Variants in RAD51B observed in about 807,000 individuals in gnomAD.
RAD51B encodes the protein DNA repair protein RAD51 homolog 2.
Under a neutral mutation model 42.2 loss-of-function variants are expected in RAD51B, and 38 were observed. That is an observed-to-expected ratio of 0.90 (90% confidence interval 0.70 to 1.18). The LOEUF (loss-of-function observed/expected upper bound fraction) is 1.18. RAD51B is among the 50% of genes most tolerant of loss of function. RAD51B has a pLI of 0.00. For synonymous variants in RAD51B, 154 were observed against 145.2 expected (o/e 1.06, Z -0.43); for missense variants, 373 against 400.7 (o/e 0.93, Z 0.59).
intron 8 of RAD51B, among the ~76,000 whole-genome samples, chr14:68,383,889 T>G (rs1006581843): frequency 6.6e-6 from 1 of 152,226 alleles, no homozygotes; most frequent in African/African-American, 2.4e-5. Flanking sequence ...ATTTTCTCCT[T>G]TTGATTACAG....
intron 8 of RAD51B, among the ~76,000 whole-genome samples, chr14:68,373,914 CA>C (rs2139960825): frequency 6.6e-6 from 1 of 152,264 alleles, no homozygotes; most frequent in South Asian, 2.1e-4. Flanking sequence ...ATTTGTGAAG[CA>C]CCTTTTATTT....
intron 4 of RAD51B, among the ~76,000 whole-genome samples, chr14:67,849,684 C>T (rs1251254459): frequency 1.3e-5 from 2 of 152,168 alleles, no homozygotes; most frequent in Admixed American, 6.5e-5. Context: ...AAATTTTCAA[C>T]AGCTTGGCAA....
intron 7 of RAD51B, among the ~76,000 whole-genome samples, chr14:68,191,335 A>G (rs1028803213): frequency 6.6e-6 from 1 of 152,200 alleles, no homozygotes; most frequent in African/African-American, 2.4e-5. Flanking sequence ...TCTGTATAAC[A>G]GAGTTTGAAA....
At chr14:68,628,345 C>T (rs1323976838) in intron 10 of RAD51B, 3 of 152,200 alleles carry the variant, frequency 2.0e-5, no homozygotes, top group South Asian at 2.1e-4. Flanking sequence ...CGCAGCGCCC[C>T]GCTTACCTGG....
intron 5 of RAD51B, among the ~76,000 whole-genome samples, chr14:67,867,413 C>T (rs538459688): frequency 4.6e-5 from 7 of 152,296 alleles, no homozygotes; most frequent in Non-Finnish European, 1.0e-4. Flanking sequence ...AGACCTAGGG[C>T]ATGCACATTT....
At chr14:68,470,763 G>T (rs1000929643) in intron 10 of RAD51B, 3 of 421,092 alleles carry the variant, frequency 7.1e-6, no homozygotes, top group African/African-American at 4.0e-5. Context: ...GTTTGTGTGG[G>T]GGCTGCAGCA....
chr14:68,566,853 C>A (rs753762352), intron 10 of RAD51B, among the ~76,000 whole-genome samples: 2 of 152,046 alleles, frequency 1.3e-5, no homozygotes, highest in Non-Finnish European at 2.9e-5. Context: ...GCCTATCAAA[C>A]CTTCTTTCTT....
At chr14:68,005,552 C>T (rs906444482) in intron 7 of RAD51B, among the ~76,000 whole-genome samples, 113 of 152,262 alleles carry the variant, frequency 7.4e-4, no homozygotes, top group African/African-American at 2.7e-3. Flanking sequence ...TTCTTACCAG[C>T]AGTGTTGGAG....
At chr14:67,955,754 A>G (rs2074534790) in intron 7 of RAD51B, among the ~76,000 whole-genome samples, 1 of 152,250 alleles carries the variant, frequency 6.6e-6, no homozygotes, top group African/African-American at 2.4e-5. Context: ...AGCAGAATTT[A>G]CCAGCTTAGA....
At chr14:68,313,866 C>T (rs1379013249) in intron 8 of RAD51B, among the ~76,000 whole-genome samples, 5 of 152,162 alleles carry the variant, frequency 3.3e-5, no homozygotes, top group African/African-American at 1.2e-4. Context: ...TGTTCACTAC[C>T]AGGATTCTTA....
chr14:68,476,068 T>C (rs1408415452), intron 10 of RAD51B, among the ~76,000 whole-genome samples: 1 of 150,730 alleles, frequency 6.6e-6, no homozygotes, highest in East Asian at 1.9e-4. Flanking sequence ...AAAAGGTCCC[T>C]TCCTTTTAGT....
intron 7 of RAD51B, among the ~76,000 whole-genome samples, chr14:67,892,395 A>G (rs141786327): frequency 6.8e-4 from 103 of 152,388 alleles, no homozygotes; most frequent in Non-Finnish European, 1.2e-3. Flanking sequence ...GTGATTGGCT[A>G]AATTAATGTT....
downstream of RAD51B, among the ~76,000 whole-genome samples, chr14:68,599,236 G>T (rs1891124927): frequency 6.6e-6 from 1 of 152,192 alleles, no homozygotes; most frequent in South Asian, 2.1e-4. Flanking sequence ...GAGGAGGAGG[G>T]AAAGGATGTT....
At chr14:68,048,462 A>G (rs914375478) in intron 7 of RAD51B, among the ~76,000 whole-genome samples, 1 of 152,062 alleles carries the variant, frequency 6.6e-6, no homozygotes, top group Non-Finnish European at 1.5e-5. Context: ...CCCATTTGTC[A>G]ATTTTGGCTT....
At chr14:67,965,823 G>T (rs1051154251) in intron 7 of RAD51B, among the ~76,000 whole-genome samples, 6 of 152,016 alleles carry the variant, frequency 3.9e-5, no homozygotes, top group Admixed American at 3.9e-4. Flanking sequence ...AGGAAGCCAA[G>T]ATTTTACAAA....
At chr14:67,825,609 G>C in intron 3 of RAD51B, 32 bp downstream of exon 3, 1 of 1,488,266 alleles carries the variant, frequency 6.7e-7, no homozygotes, top group Admixed American at 1.9e-5. Flanking sequence ...ATTTGATTAT[G>C]AATGATTCCT....
chr14:68,125,903 A>T (rs144262396), intron 7 of RAD51B, among the ~76,000 whole-genome samples: 1 of 152,288 alleles, frequency 6.6e-6, no homozygotes, highest in East Asian at 1.9e-4. Flanking sequence ...TTTAGAAAGC[A>T]CCAACGTCCC....
chr14:68,375,860 C>A (rs549272514), intron 8 of RAD51B, among the ~76,000 whole-genome samples: 147 of 151,940 alleles, frequency 9.7e-4, no homozygotes, highest in African/African-American at 3.5e-3. Flanking sequence ...ATGAAAATCA[C>A]CAAGTTTAAA....
chr14:68,427,360 C>T (rs1274248825), intron 9 of RAD51B, among the ~76,000 whole-genome samples: 1 of 152,190 alleles, frequency 6.6e-6, no homozygotes, highest in Non-Finnish European at 1.5e-5. Context: ...GCAAGACTAA[C>T]CCGTAAGAGC....
Sources: allele counts gnomAD v4.1 joint callset (sites outside exome capture counted in the v4.1 genomes callset), GRCh38; gene constraint gnomAD v4.1.1; transcripts MANE v1.5; gene names NCBI Gene and HGNC (gene_info 2026-07-23, HGNC 2026-07-21).